The following SGCZ variants were observed in gnomAD, a reference collection of about 807,000 sequenced individuals.
SGCZ encodes the protein sarcoglycan zeta, also known as zeta-sarcoglycan.
In SGCZ, 40 loss-of-function variants were observed where a neutral mutation model predicts 41.3. That is an observed-to-expected ratio of 0.97 (90% confidence interval 0.75 to 1.26). SGCZ has a LOEUF of 1.26. Ranked by LOEUF, SGCZ falls within the 50% of genes most tolerant of loss-of-function variation. SGCZ has a pLI of 0.00. For missense variants in SGCZ, 552 were observed against 369.8 expected (o/e 1.49, Z -4.04); for synonymous variants, 206 against 137.5 (o/e 1.50, Z -3.49).
At chr8:14,819,664 C>G (rs73533073) in intron 1 of SGCZ, among the ~76,000 whole-genome samples, 19,382 of 151,988 alleles carry the variant, frequency 0.13, 1,685 homozygotes, top group East Asian at 0.26. Flanking sequence ...AACAATAGCT[C>G]CAAGTAGTGG....
At chr8:14,388,646 T>C (rs970545646) in intron 2 of SGCZ, among the ~76,000 whole-genome samples, 7 of 151,982 alleles carry the variant, frequency 4.6e-5, no homozygotes, top group Admixed American at 2.6e-4. Context: ...ATAGTTCAGA[T>C]AGAATAAACT....
chr8:15,214,294 G>C (rs1378786756), intron 1 of SGCZ, among the ~76,000 whole-genome samples: 1 of 151,974 alleles, frequency 6.6e-6, no homozygotes, highest in Non-Finnish European at 1.5e-5. Flanking sequence ...TGTTTTAAAG[G>C]AACATGCAAA....
Position 14,551,458 on chromosome 8 carries a change from T to TGA in SGCZ, c.234+3273_234+3274insTC. ...CTTCAACTATTTCATATATATATTA[T>TGA]ATATATTATATATATTATATATTAT... On this transcript the variant is annotated intron_variant, in intron 2 of 7. Coordinates refer to ENST00000382080, the MANE Select transcript of SGCZ (RefSeq NM_139167.4). Among the ~76,000 whole-genome samples the TGA allele has an allele frequency of 3.1e-4, 2 of 6,502 alleles. 1 individual carries two copies. The highest frequency in any genetic ancestry group is 0.25 in the Middle Eastern group (2 of 8). The allele number at this position is 6,502 out of a possible 152,430, so 4.3% of individuals were successfully genotyped here. A position where few individuals can be genotyped will look rare whatever the true frequency, so the allele number is the denominator to read the frequency against.
intron 2 of SGCZ, among the ~76,000 whole-genome samples, chr8:14,472,675 T>A (rs990269846): frequency 6.6e-6 from 1 of 152,154 alleles, no homozygotes; most frequent in Non-Finnish European, 1.5e-5. Context: ...GCAACATGTA[T>A]TGCCCTATTT....
chr8:14,526,749 G>A (rs970086637), intron 2 of SGCZ, among the ~76,000 whole-genome samples: 11 of 152,072 alleles, frequency 7.2e-5, no homozygotes, highest in South Asian at 4.1e-4. Flanking sequence ...CCTAGTGTGC[G>A]TACTTCATTC....
intron 1 of SGCZ, among the ~76,000 whole-genome samples, chr8:14,691,808 A>G (rs925821605): frequency 6.6e-6 from 1 of 152,150 alleles, no homozygotes; most frequent in East Asian, 1.9e-4. Flanking sequence ...TTGCCGTAAT[A>G]AAAAATCAAA....
At chr8:15,032,495 C>A (rs1259543207) in intron 1 of SGCZ, among the ~76,000 whole-genome samples, 1 of 152,054 alleles carries the variant, frequency 6.6e-6, no homozygotes, top group Non-Finnish European at 1.5e-5. Context: ...CACCCAGGCC[C>A]CAGATGCCAG....
chr8:14,445,276 C>A (rs372792216), intron 2 of SGCZ, among the ~76,000 whole-genome samples: 1 of 152,198 alleles, frequency 6.6e-6, no homozygotes, highest in Admixed American at 6.5e-5. Flanking sequence ...TCCTCTTTGC[C>A]TTCTCTCTCC....
At chr8:15,056,479 G>T (rs1804708760) in intron 1 of SGCZ, among the ~76,000 whole-genome samples, 1 of 151,374 alleles carries the variant, frequency 6.6e-6, no homozygotes, top group South Asian at 2.1e-4. Context: ...CACTATTAAT[G>T]AATAAATGGA....
intron 1 of SGCZ, among the ~76,000 whole-genome samples, chr8:14,762,805 A>G (rs1341605407): frequency 1.3e-5 from 2 of 152,232 alleles, no homozygotes; most frequent in Non-Finnish European, 2.9e-5. Flanking sequence ...GCAAGCAAAC[A>G]TTAGTGGGCT....
chr8:14,199,898 G>C (rs1364090599), intron 4 of SGCZ, among the ~76,000 whole-genome samples: 1 of 152,072 alleles, frequency 6.6e-6, no homozygotes, highest in African/African-American at 2.4e-5. Context: ...TTCTAAAGAA[G>C]GAAAAATAAA....
At chr8:14,114,899 T>G (rs996521637) in intron 5 of SGCZ, among the ~76,000 whole-genome samples, 3 of 151,852 alleles carry the variant, frequency 2.0e-5, no homozygotes, top group Non-Finnish European at 2.9e-5. Context: ...ACAATAAGAG[T>G]AATACTTGAA....
chr8:14,711,573 G>A (rs939477150), intron 1 of SGCZ, among the ~76,000 whole-genome samples: 1 of 127,660 alleles, frequency 7.8e-6, no homozygotes, highest in African/African-American at 2.9e-5. Flanking sequence ...CTGCATTCCA[G>A]CCCAGGAGAC....
intron 2 of SGCZ, among the ~76,000 whole-genome samples, chr8:14,368,275 T>A (rs1047682028): frequency 6.6e-6 from 1 of 152,180 alleles, no homozygotes; most frequent in Non-Finnish European, 1.5e-5. Flanking sequence ...TCTAACTGCA[T>A]TTCATTAATC....
chr8:14,918,495 A>C (rs1799502835), intron 1 of SGCZ, among the ~76,000 whole-genome samples: 1 of 152,172 alleles, frequency 6.6e-6, no homozygotes, highest in Non-Finnish European at 1.5e-5. Flanking sequence ...CTCTAATATG[A>C]AGGATCTTCC....
chr8:14,944,016 C>A (rs937029310), intron 1 of SGCZ, among the ~76,000 whole-genome samples: 1 of 152,008 alleles, frequency 6.6e-6, no homozygotes, highest in Non-Finnish European at 1.5e-5. Flanking sequence ...TGCTGATGGG[C>A]ATTTAGGTGA....
At chr8:14,232,831 A>G (rs1281533966) in intron 4 of SGCZ, among the ~76,000 whole-genome samples, 2 of 152,104 alleles carry the variant, frequency 1.3e-5, no homozygotes, top group African/African-American at 4.8e-5. Context: ...AAGGATACCT[A>G]TGATGAAATA....
intron 1 of SGCZ, among the ~76,000 whole-genome samples, chr8:15,131,647 T>A (rs574541019): frequency 4.6e-5 from 7 of 152,330 alleles, no homozygotes; most frequent in Non-Finnish European, 8.8e-5. Context: ...GTCAGCTAAG[T>A]ATGTTAGCGC....
In SGCZ at chr8:15,020,535, A is replaced by G. The variant is rs1238851985; in HGVS notation, c.39+217050T>C. On this transcript the variant is annotated intron_variant, in intron 1 of 7. Coordinates refer to ENST00000382080, the MANE Select transcript of SGCZ (RefSeq NM_139167.4). The stretch of plus-strand genomic sequence containing the variant: ...CATTATTATTCTTGATTAAAATATA[A>G]TCGCTGTCAGCTCGCCACCAGAAAA... Among the ~76,000 whole-genome samples, 8 of 152,140 alleles carry G rather than the reference A, an allele frequency of 5.3e-5. No individual in the cohort carries two copies. In the East Asian group the frequency reaches 1.5e-3, roughly 29 times the overall value.
Sources: allele counts gnomAD v4.1 joint callset (sites outside exome capture counted in the v4.1 genomes callset), GRCh38; gene constraint gnomAD v4.1.1; transcripts MANE v1.5; gene names NCBI Gene and HGNC (gene_info 2026-07-23, HGNC 2026-07-21).